FRMD3: variants seen among roughly 807,000 people sequenced by gnomAD.
FRMD3 encodes FERM domain-containing protein 3.
In FRMD3, 33 loss-of-function variants were observed where a neutral mutation model predicts 70.2. The observed-to-expected ratio is 0.47, with a 90% confidence interval of 0.36 to 0.63. The LOEUF (loss-of-function observed/expected upper bound fraction) is 0.63, where lower values mean the gene tolerates loss of function less well. Among genes scored for constraint, FRMD3 ranks in the 20% least tolerant of loss-of-function variants. FRMD3 has a pLI of 0.00. For synonymous variants in FRMD3, 279 were observed against 255.9 expected (o/e 1.09, Z -0.86); for missense variants, 632 against 711.4 (o/e 0.89, Z 1.27).
At chr9:83,357,216 T>TGA (rs1824380280) in intron 3 of FRMD3, among the ~76,000 whole-genome samples, 1 of 26,090 alleles carries the variant, frequency 3.8e-5, no homozygotes, top group Non-Finnish European at 6.6e-5. Flanking sequence ...ATACATGGAA[T>TGA]ATATATATTT....
At chr9:83,408,558 A>G (rs966778995) in intron 1 of FRMD3, among the ~76,000 whole-genome samples, 3 of 152,214 alleles carry the variant, frequency 2.0e-5, no homozygotes, top group African/African-American at 7.2e-5. Context: ...GACACATGAA[A>G]ATGTTTCCAG....
intron 1 of FRMD3, among the ~76,000 whole-genome samples, chr9:83,413,984 A>G (rs760197726): frequency 6.6e-6 from 1 of 152,212 alleles, no homozygotes; most frequent in Non-Finnish European, 1.5e-5. Context: ...GAGACCATAC[A>G]AAGTGTTGAA....
At chr9:83,551,588 G>C in the FRMD3 span, among the ~76,000 whole-genome samples, 1 of 152,134 alleles carries the variant, frequency 6.6e-6, no homozygotes. Flanking sequence ...GAATTCAGCT[G>C]TGAATCCATC....
At chr9:83,477,690 T>G (rs943576319) in intron 1 of FRMD3, among the ~76,000 whole-genome samples, 3 of 152,154 alleles carry the variant, frequency 2.0e-5, no homozygotes, top group Non-Finnish European at 4.4e-5. Context: ...AGGAAGAGTA[T>G]TCTGTCTTGC....
the FRMD3 span, among the ~76,000 whole-genome samples, chr9:83,557,541 T>C: frequency 6.6e-6 from 1 of 152,168 alleles, no homozygotes; most frequent in Admixed American, 6.5e-5. Flanking sequence ...AGCAGACACA[T>C]GGATGACATT....
intron 13 of FRMD3, among the ~76,000 whole-genome samples, chr9:83,262,795 T>C (rs950386868): frequency 2.6e-5 from 4 of 152,176 alleles, no homozygotes. Flanking sequence ...TTATGTCCTC[T>C]GGGAAGGCTC....
intron 1 of FRMD3, among the ~76,000 whole-genome samples, chr9:83,390,985 A>G (rs1825650634): frequency 6.6e-6 from 1 of 152,226 alleles, no homozygotes; most frequent in African/African-American, 2.4e-5. Context: ...CCTTGAGAGA[A>G]AAAAATGCTG....
rs141554022 is a variant in FRMD3, at chr9:83,502,625, C to T, written c.147+35460G>A. Among the ~76,000 whole-genome samples the T allele has an allele frequency of 2.5e-3, 377 of 152,196 alleles. 1 individual carries two copies. Among genetic ancestry groups the T allele is most frequent in the Non-Finnish European group, 4.6e-3 (313 of 67,992 alleles). ...TGGGCAGACAAATCAGGATGGTACC[C>T]GGAAGCTTGCTGTGAGGGGAAGAAG... On this transcript the variant is annotated intron_variant, in intron 1 of 13. Transcript: ENST00000304195.
chr9:83,555,461 C>T, the FRMD3 span, among the ~76,000 whole-genome samples: 62 of 152,278 alleles, frequency 4.1e-4, 4 homozygotes, highest in African/African-American at 1.5e-3. Context: ...TTGGCTCAGA[C>T]TCTCCAAAGC....
intron 5 of FRMD3, among the ~76,000 whole-genome samples, chr9:83,341,856 T>C (rs1488160323): frequency 6.6e-6 from 1 of 152,064 alleles, no homozygotes; most frequent in South Asian, 2.1e-4. Context: ...AAAGGAACTA[T>C]TTCACAGCAC....
intron 6 of FRMD3, 129 bp from the exon 7 acceptor site, chr9:83,313,876 GT>G (rs1174763367): frequency 1.5e-6 from 1 of 660,182 alleles, no homozygotes; most frequent in Admixed American, 2.7e-5. Flanking sequence ...ATAGTAATCA[GT>G]AAGACTGATC....
intron 13 of FRMD3, among the ~76,000 whole-genome samples, chr9:83,277,370 G>T (rs1833826983): frequency 6.6e-6 from 1 of 151,968 alleles, no homozygotes; most frequent in African/African-American, 2.4e-5. Context: ...AATGACTATG[G>T]TATTTTTTTT....
chr9:83,382,728 A>G (rs1825394779), intron 2 of FRMD3, among the ~76,000 whole-genome samples: 2 of 152,002 alleles, frequency 1.3e-5, no homozygotes, highest in South Asian at 4.1e-4. Context: ...CTCTCTGCAC[A>G]TTCTTTTCTT....
chr9:83,508,445 T>G (rs1829256000), intron 1 of FRMD3, among the ~76,000 whole-genome samples: 1 of 152,194 alleles, frequency 6.6e-6, no homozygotes, highest in Non-Finnish European at 1.5e-5. Flanking sequence ...GAAAAAAAAG[T>G]AGTTTATAGA....
intron 1 of FRMD3, among the ~76,000 whole-genome samples, chr9:83,479,715 AG>A (rs1828508283): frequency 2.6e-5 from 2 of 77,052 alleles, no homozygotes; most frequent in Non-Finnish European, 5.1e-5. Context: ...AAAGAAAGAA[AG>A]AAAGAAAAGA....
intron 1 of FRMD3, among the ~76,000 whole-genome samples, chr9:83,442,676 C>A (rs1827338103): frequency 6.6e-6 from 1 of 152,010 alleles, no homozygotes; most frequent in Admixed American, 6.6e-5. Context: ...CACGACCACC[C>A]CACCCCCAAC....
intron 1 of FRMD3, among the ~76,000 whole-genome samples, chr9:83,505,067 G>T (rs1488147425): frequency 1.3e-5 from 2 of 152,138 alleles, no homozygotes; most frequent in Non-Finnish European, 1.5e-5. Flanking sequence ...CATTTACTCT[G>T]TGCCATGTGT....
the FRMD3 span, among the ~76,000 whole-genome samples, chr9:83,546,757 G>A: frequency 2.0e-5 from 3 of 151,840 alleles, no homozygotes; most frequent in Admixed American, 6.6e-5. Context: ...GCTGGGTGTG[G>A]TGGTGCATAC....
intron 1 of FRMD3, among the ~76,000 whole-genome samples, chr9:83,466,471 T>G (rs1232199537): frequency 6.6e-6 from 1 of 152,186 alleles, no homozygotes; most frequent in Non-Finnish European, 1.5e-5. Context: ...CAGTTGCACC[T>G]TTTTTGCTAC....
Sources: allele counts gnomAD v4.1 joint callset (sites outside exome capture counted in the v4.1 genomes callset), GRCh38; gene constraint gnomAD v4.1.1; transcripts MANE v1.5; gene names NCBI Gene and HGNC (gene_info 2026-07-23, HGNC 2026-07-21).